Variants in SULT1C3 observed in about 807,000 individuals in gnomAD.
The protein encoded by SULT1C3 is sulfotransferase 1C3.
In SULT1C3, 31 loss-of-function variants were observed where a neutral mutation model predicts 28.4. The observed-to-expected ratio is 1.09, with a 90% CI of 0.82 to 1.47. The LOEUF is 1.47. SULT1C3 is among the 40% of genes most tolerant of loss of function. The pLI, the probability that SULT1C3 is intolerant of heterozygous loss-of-function variation, is 0.00. For missense variants in SULT1C3, 307 were observed against 272.5 expected (o/e 1.13, Z -0.89); for synonymous variants, 106 against 92.2 (o/e 1.15, Z -0.86).
chr2:108,245,856 T>C (rs975774035), intron 1 of SULT1C3, among the ~76,000 whole-genome samples: 1 of 152,202 alleles, frequency 6.6e-6, no homozygotes. Context: ...TATTGCATTG[T>C]CAGGCTGCAA....
chr2:108,252,052 G>C (rs1341056128), intron 2 of SULT1C3, among the ~76,000 whole-genome samples: 1 of 151,830 alleles, frequency 6.6e-6, no homozygotes, highest in East Asian at 1.9e-4. Context: ...ATGATAGATA[G>C]ATAGACAGAT....
chr2:108,248,147 T>C (rs993625466), intron 2 of SULT1C3, among the ~76,000 whole-genome samples: 2 of 152,132 alleles, frequency 1.3e-5, no homozygotes, highest in African/African-American at 4.8e-5. Flanking sequence ...ACAAAAAAAT[T>C]GATGGGGACA....
intron 1 of SULT1C3, among the ~76,000 whole-genome samples, chr2:108,245,524 C>T (rs11123686): frequency 0.26 from 39,597 of 152,026 alleles, 6,344 homozygotes; most frequent in South Asian, 0.39. Context: ...TAAAGGAACA[C>T]GGGAATTGAA....
intron 7 of SULT1C3, among the ~76,000 whole-genome samples, chr2:108,260,291 G>C (rs891284627): frequency 1.3e-5 from 2 of 152,250 alleles, no homozygotes; most frequent in African/African-American, 2.4e-5. Context: ...CTAGAGCCAG[G>C]AGTGTACCCT....
At chr2:108,264,033 T>G (rs1406676654), downstream of SULT1C3, among the ~76,000 whole-genome samples, 2 of 152,154 alleles carry the variant, frequency 1.3e-5, no homozygotes, top group African/African-American at 4.8e-5. Flanking sequence ...TTCAAGAAAT[T>G]TAGCTTCCTT....
chr2:108,248,615 C>A (rs754664269), intron 2 of SULT1C3, among the ~76,000 whole-genome samples: 1 of 152,012 alleles, frequency 6.6e-6, no homozygotes, highest in Non-Finnish European at 1.5e-5. Flanking sequence ...TGGTAGACTG[C>A]ACTTCCATAG....
intron 3 of SULT1C3, 93 bp downstream of exon 3, chr2:108,252,586 AGTAG>A (rs1675759977): frequency 6.9e-7 from 1 of 1,447,670 alleles, no homozygotes; most frequent in East Asian, 2.3e-5. Context: ...GGTAGCCAGA[AGTAG>A]CCTGTATCTT....
intron 1 of SULT1C3, among the ~76,000 whole-genome samples, chr2:108,242,274 G>C (rs925235127): frequency 1.6e-4 from 24 of 152,276 alleles, no homozygotes; most frequent in Middle Eastern, 6.8e-3. Flanking sequence ...ATCAATTAGA[G>C]CTCTTTTTGC....
chr2:108,255,139 C>A (rs1056606842), intron 4 of SULT1C3, among the ~76,000 whole-genome samples: 2 of 152,008 alleles, frequency 1.3e-5, no homozygotes, highest in Non-Finnish European at 2.9e-5. Flanking sequence ...TCTAGTATTT[C>A]CCCTGTTGTA....
chr2:108,240,234 C>T (rs1017542046), intron 1 of SULT1C3, among the ~76,000 whole-genome samples, 151 bp downstream of exon 1: 12 of 152,182 alleles, frequency 7.9e-5, no homozygotes, highest in Admixed American at 6.5e-4. Flanking sequence ...TCAGGTAAGT[C>T]GTGAACTGAA....
In SULT1C3 at chr2:108,255,711, T is replaced by C. The variant is rs1675852252; in HGVS notation, c.526+13T>C. 6.2e-7 allele frequency: 1 copy of C among 1,607,336 alleles called. No homozygotes were observed. Among genetic ancestry groups the C allele is most frequent in the East Asian group, 2.2e-5 (1 of 44,620 alleles). Reference sequence around the variant, plus strand: ...ATGTCCGGAAAAGGTGAGTTCAAACTGATCTTTTTGGTACCCTCTTTCAGG... The same window carrying C: ...ATGTCCGGAAAAGGTGAGTTCAAACCGATCTTTTTGGTACCCTCTTTCAGG... On this transcript the variant is annotated intron_variant, in intron 5 of 7. Coordinates refer to ENST00000681802, the MANE Select transcript of SULT1C3 (RefSeq NM_001320878.2).
chr2:108,249,600 C>T (rs528123831), intron 2 of SULT1C3, among the ~76,000 whole-genome samples: 42 of 152,028 alleles, frequency 2.8e-4, no homozygotes, highest in Admixed American at 5.9e-4. Context: ...GAAAACACTA[C>T]GGAGAGAAAT....
At chr2:108,242,495 G>C (rs1427702276) in intron 1 of SULT1C3, among the ~76,000 whole-genome samples, 1 of 152,160 alleles carries the variant, frequency 6.6e-6, no homozygotes, top group East Asian at 1.9e-4. Context: ...TTATTTTTTA[G>C]TGGAGGGTGG....
At chr2:108,240,452 T>A (rs1356246193) in intron 1 of SULT1C3, among the ~76,000 whole-genome samples, 1 of 152,214 alleles carries the variant, frequency 6.6e-6, no homozygotes, top group Non-Finnish European at 1.5e-5. Context: ...CAGTAGATAA[T>A]TTCCATCTAA....
intron 7 of SULT1C3, among the ~76,000 whole-genome samples, chr2:108,260,290 G>A (rs12999783): frequency 0.27 from 40,835 of 152,034 alleles, 6,910 homozygotes; most frequent in South Asian, 0.38. Context: ...ACTAGAGCCA[G>A]GAGTGTACCC....
intron 5 of SULT1C3, among the ~76,000 whole-genome samples, chr2:108,257,764 T>C (rs1675913219): frequency 6.6e-6 from 1 of 152,086 alleles, no homozygotes; most frequent in Non-Finnish European, 1.5e-5. Context: ...ACTATTATCA[T>C]ATAATTTGGT....
chr2:108,260,044 C>T (rs973865903), intron 7 of SULT1C3, among the ~76,000 whole-genome samples: 9 of 152,244 alleles, frequency 5.9e-5, no homozygotes, highest in African/African-American at 2.2e-4. Flanking sequence ...CTTAGAGAAA[C>T]AATTCATTAG....
chr2:108,241,926 CAAA>C (rs201006604), intron 1 of SULT1C3, among the ~76,000 whole-genome samples: 101 of 101,066 alleles, frequency 1.0e-3, no homozygotes, highest in East Asian at 3.1e-3. Flanking sequence ...GACTCCATCT[CAAA>C]AAAAAAAAAA....
downstream of SULT1C3, among the ~76,000 whole-genome samples, chr2:108,262,442 A>G (rs1676045586): frequency 6.6e-6 from 1 of 152,204 alleles, no homozygotes. Context: ...GACCAACTAT[A>G]CAAAGCTTAT....
Sources: allele counts gnomAD v4.1 joint callset (sites outside exome capture counted in the v4.1 genomes callset), GRCh38; gene constraint gnomAD v4.1.1; transcripts MANE v1.5; gene names NCBI Gene and HGNC (gene_info 2026-07-23, HGNC 2026-07-21).